The following FGF12 variants were observed in gnomAD, a reference collection of about 807,000 sequenced individuals.
FGF12 encodes the protein fibroblast growth factor 12B.
FGF12 carries 14 observed loss-of-function variants against 23.6 expected under a neutral mutation model. That is an observed-to-expected ratio of 0.59 (90% CI 0.39 to 0.93). The LOEUF (loss-of-function observed/expected upper bound fraction) is 0.93. FGF12 is among the 40% of genes least tolerant of loss of function. The pLI is 0.00. For synonymous variants in FGF12, 62 were observed against 77.3 expected (o/e 0.80, Z 1.04); for missense variants, 175 against 217.8 (o/e 0.80, Z 1.24).
At chr3:192,396,128 T>G (rs1720509253) in intron 2 of FGF12, among the ~76,000 whole-genome samples, 1 of 152,176 alleles carries the variant, frequency 6.6e-6, no homozygotes, top group African/African-American at 2.4e-5. Flanking sequence ...GTTTTTTAAA[T>G]TAAGAAATTA....
At chr3:192,636,470 T>C (rs895989663) in intron 2 of FGF12, among the ~76,000 whole-genome samples, 1 of 152,228 alleles carries the variant, frequency 6.6e-6, no homozygotes, top group Non-Finnish European at 1.5e-5. Context: ...TTTCATCATG[T>C]TGAAATCTGC....
chr3:192,372,840 T>C (rs964193592), intron 2 of FGF12, among the ~76,000 whole-genome samples: 1 of 152,214 alleles, frequency 6.6e-6, no homozygotes, highest in African/African-American at 2.4e-5. Context: ...GGGAGAGCTT[T>C]GCACCATCTG....
intron 4 of FGF12, among the ~76,000 whole-genome samples, chr3:192,234,074 AT>A (rs566599950): frequency 6.6e-5 from 10 of 151,796 alleles, no homozygotes; most frequent in African/African-American, 1.9e-4. Flanking sequence ...GAATTTTAGA[AT>A]TTTTTTTCTA....
In FGF12 at chr3:192,568,148, T is replaced by C. The variant is rs114053955; in HGVS notation, c.13+159033A>G. ...TGCCCCGCCCTTTGCATGTGTTTCT[T>C]ATAAGGACACTTGTCATTGGATTTA... is the stretch of plus-strand genomic sequence containing the variant. On this transcript the variant is annotated intron_variant, in intron 2 of 5. Transcript: ENST00000445105. Among the ~76,000 whole-genome samples the C allele has an allele frequency of 6.3e-3, 956 of 152,280 alleles. 5 individuals carry two copies. The highest frequency in any genetic ancestry group is 0.022 in the African/African-American group (902 of 41,562).
In FGF12 at chr3:192,147,665, T is replaced by A. The variant is rs192834695; in HGVS notation, c.428-3538A>T. The stretch of plus-strand genomic sequence containing the variant: ...GAGAAATTATCACCCCCATTTTTTT[T>A]AAATATAAAAGAAATTAAGCCACTT... On this transcript the variant is annotated intron_variant, in intron 5 of 5. Coordinates refer to ENST00000445105, the MANE Select transcript of FGF12 (RefSeq NM_004113.6). Among the ~76,000 whole-genome samples the A allele has an allele frequency of 4.4e-3, 677 of 152,256 alleles. 6 individuals are homozygous for A. Among genetic ancestry groups the A allele is most frequent in the African/African-American group, 0.016 (645 of 41,534 alleles).
At chr3:192,605,999 C>G (rs1402585454) in intron 2 of FGF12, among the ~76,000 whole-genome samples, 1 of 152,140 alleles carries the variant, frequency 6.6e-6, no homozygotes, top group Non-Finnish European at 1.5e-5. Flanking sequence ...ACCATTCAAC[C>G]CAGCAATCCC....
chr3:192,500,902 C>T (rs937056142), intron 2 of FGF12, among the ~76,000 whole-genome samples: 27 of 152,108 alleles, frequency 1.8e-4, no homozygotes, highest in African/African-American at 6.3e-4. Flanking sequence ...TGTTCAAGAT[C>T]GCATAAGTGG....
chr3:192,679,639 A>AAG (rs201131242), intron 2 of FGF12, among the ~76,000 whole-genome samples: 220 of 151,900 alleles, frequency 1.4e-3, no homozygotes, highest in African/African-American at 5.1e-3. Context: ...GCCAACCAAA[A>AAG]AAAAAAATCA....
intron 2 of FGF12, among the ~76,000 whole-genome samples, chr3:192,591,344 T>C (rs1388919497): frequency 6.6e-6 from 1 of 151,608 alleles, no homozygotes; most frequent in African/African-American, 2.4e-5. Flanking sequence ...TGAGAGAATC[T>C]TTCACTTCTG....
intron 2 of FGF12, among the ~76,000 whole-genome samples, chr3:192,649,093 C>T (rs897816784): frequency 2.6e-5 from 4 of 152,052 alleles, no homozygotes; most frequent in Admixed American, 6.6e-5. Context: ...TTTGAGTCAC[C>T]CTATCCAATT....
At chr3:192,155,694 AT>A (rs1415250141) in intron 5 of FGF12, among the ~76,000 whole-genome samples, 1 of 152,226 alleles carries the variant, frequency 6.6e-6, no homozygotes, top group Non-Finnish European at 1.5e-5. Flanking sequence ...TCTTATATAA[AT>A]ATCAGCACTA....
At chr3:192,334,485 C>A (rs1227262766) in intron 4 of FGF12, among the ~76,000 whole-genome samples, 1 of 151,986 alleles carries the variant, frequency 6.6e-6, no homozygotes, top group Non-Finnish European at 1.5e-5. Context: ...TTTTCATGAA[C>A]TACAAATAGC....
At chr3:192,725,792 GC>G (rs1719194547) in intron 2 of FGF12, among the ~76,000 whole-genome samples, 3 of 152,132 alleles carry the variant, frequency 2.0e-5, no homozygotes, top group Non-Finnish European at 4.4e-5. Context: ...TACTTAGTCA[GC>G]TAGAATATTA....
chr3:192,659,174 GGTAA>G (rs1194656104), intron 2 of FGF12, among the ~76,000 whole-genome samples: 2 of 151,972 alleles, frequency 1.3e-5, no homozygotes, highest in African/African-American at 4.8e-5. Context: ...AACTACTGAG[GGTAA>G]GTTTGTAGCA....
At chr3:192,231,995 G>A (rs971664667) in intron 4 of FGF12, among the ~76,000 whole-genome samples, 10 of 152,126 alleles carry the variant, frequency 6.6e-5, no homozygotes, top group African/African-American at 9.7e-5. Context: ...GCTCAACGAC[G>A]TAGAGATAAT....
intron 2 of FGF12, among the ~76,000 whole-genome samples, chr3:192,525,546 A>G (rs552908107): frequency 6.6e-6 from 1 of 152,302 alleles, no homozygotes; most frequent in African/African-American, 2.4e-5. Flanking sequence ...TTACTACAAC[A>G]TATTTACAAA....
intron 2 of FGF12, among the ~76,000 whole-genome samples, chr3:192,632,791 G>T (rs1239313850): frequency 1.3e-5 from 2 of 152,076 alleles, no homozygotes; most frequent in East Asian, 1.9e-4. Flanking sequence ...GCACAAAGGG[G>T]CACCTTAAAA....
chr3:192,439,617 T>C lies in FGF12; in HGVS notation c.14-79079A>G, dbSNP rs560369830. 7.9e-5 allele frequency among the ~76,000 whole-genome samples: 12 copies of C among 152,138 alleles called. No homozygotes were observed. In the South Asian group the frequency reaches 2.5e-3, roughly 32 times the overall value. The stretch of plus-strand genomic sequence containing the variant: ...ACAATCTAGTGGTGGGAGAGACAGG[T>C]GGGAATAAATCATGTAAGTTAAATG... On this transcript the variant is annotated intron_variant, in intron 2 of 5. Transcript: ENST00000445105.
chr3:192,451,493 T>C (rs1722520039), intron 2 of FGF12, among the ~76,000 whole-genome samples: 1 of 152,196 alleles, frequency 6.6e-6, no homozygotes, highest in Non-Finnish European at 1.5e-5. Context: ...TTTGATGTCA[T>C]TATGACTATT....
Sources: gnomAD v4.1 joint callset for allele counts (sites outside exome capture counted in the v4.1 genomes callset) on GRCh38, gnomAD v4.1.1 for gene constraint, MANE v1.5 for transcripts, NCBI Gene and HGNC (gene_info 2026-07-23, HGNC 2026-07-21) for gene names.